METAP1D: variants seen among roughly 807,000 people sequenced by gnomAD.
METAP1D encodes methionine aminopeptidase 1D, mitochondrial.
Under a neutral mutation model 40.5 loss-of-function variants are expected in METAP1D, and 31 were observed. The observed-to-expected ratio is 0.77, with a 90% CI of 0.58 to 1.03. METAP1D has a LOEUF of 1.03. Among genes scored for constraint, METAP1D ranks in the 50% least tolerant of loss-of-function variants. METAP1D has a pLI of 0.00. For synonymous variants in METAP1D, 151 were observed against 146.4 expected, an observed-to-expected ratio of 1.03 and a Z score of -0.22; for missense variants, 411 against 420.7, an observed-to-expected ratio of 0.98 and a Z score of 0.20.
chr2:172,057,832 A>G (rs182156017), intron 1 of METAP1D, among the ~76,000 whole-genome samples: 2 of 152,216 alleles, frequency 1.3e-5, no homozygotes, highest in African/African-American at 4.8e-5. Context: ...ATGAGCTAAC[A>G]TATGTAAAGT....
In METAP1D at chr2:172,007,274, A is replaced by G. The variant is rs555067854; in HGVS notation, c.40+7265A>G. On this transcript the variant is annotated intron_variant, in intron 1 of 9. Transcript: ENST00000315796. ...AACCTCAAACTCCTGGGCTCAAGCA[A>G]TCCTCCTGCCTCAGCCTTCCAAGTA... Among the ~76,000 whole-genome samples, 7 of 151,482 alleles carry G rather than the reference A, an allele frequency of 4.6e-5. No individual in the cohort carries two copies. In the South Asian group the frequency reaches 1.5e-3, roughly 32 times the overall value.
chr2:172,024,750 G>GTGTGTGTGTGTGTGTA (rs1553491364), intron 1 of METAP1D, among the ~76,000 whole-genome samples: 63 of 52,854 alleles, frequency 1.2e-3, no homozygotes, highest in African/African-American at 2.6e-3. Flanking sequence ...CATATAGATT[G>GTGTGTGTGTGTGTGTA]TGTGTGTGTG....
chr2:172,032,007 G>A (rs1689252507), intron 1 of METAP1D, among the ~76,000 whole-genome samples: 1 of 152,176 alleles, frequency 6.6e-6, no homozygotes, highest in South Asian at 2.1e-4. Flanking sequence ...CACCAAGCAT[G>A]CCCTCGGGGA....
chr2:172,040,428 G>T (rs1689490653), intron 1 of METAP1D, among the ~76,000 whole-genome samples: 2 of 152,144 alleles, frequency 1.3e-5, no homozygotes, highest in South Asian at 4.1e-4. Context: ...TTCCAGACTA[G>T]TAGGTGGAGT....
At chr2:172,042,257 A>G (rs1047911832) in intron 1 of METAP1D, among the ~76,000 whole-genome samples, 5 of 9,540 alleles carry the variant, frequency 5.2e-4, no homozygotes, top group African/African-American at 7.3e-4. Context: ...ACATGTGTAC[A>G]CATATACATA....
At position 172,082,145 on chromosome 2, in the gene METAP1D, C is replaced by G. The variant is rs186589762; in HGVS notation, c.*1739C>G. The G allele has an allele frequency of 4.6e-5, 7 of 152,308 alleles. No homozygotes were observed. The South Asian group carries it at 6.2e-4, about 14-fold the overall frequency. 9.4% of individuals were successfully genotyped at this position (152,308 alleles called of 1,614,324 possible). On this transcript the variant is annotated 3_prime_UTR_variant, in exon 10 of 10. Coordinates refer to ENST00000315796, the MANE Select transcript of METAP1D (RefSeq NM_199227.3). The stretch of plus-strand genomic sequence containing the variant: ...GCCTGATGCTACTGCCCCCCACCCC[C>G]CCAAAGATCTGAATTCCCTAAAGAT...
chr2:172,037,889 TC>T (rs1689432727), intron 1 of METAP1D, among the ~76,000 whole-genome samples: 1 of 152,214 alleles, frequency 6.6e-6, no homozygotes, highest in African/African-American at 2.4e-5. Flanking sequence ...GAGACTTACT[TC>T]CTTTCACTTG....
At chr2:172,025,178 T>C (rs1689096626) in intron 1 of METAP1D, among the ~76,000 whole-genome samples, 1 of 152,218 alleles carries the variant, frequency 6.6e-6, no homozygotes, top group African/African-American at 2.4e-5. Flanking sequence ...CAATCAATTG[T>C]TCTAGGGCAG....
At chr2:172,029,831 T>A (rs575800727) in intron 1 of METAP1D, among the ~76,000 whole-genome samples, 1 of 151,860 alleles carries the variant, frequency 6.6e-6, no homozygotes, top group South Asian at 2.1e-4. Flanking sequence ...CTCAGCTCAC[T>A]GCAACCTCCA....
intron 1 of METAP1D, among the ~76,000 whole-genome samples, chr2:172,034,768 A>T (rs1049649051): frequency 2.0e-5 from 3 of 152,208 alleles, no homozygotes; most frequent in South Asian, 2.1e-4. Context: ...ACTTCATTTT[A>T]AAAAATTTGC....
intron 1 of METAP1D, among the ~76,000 whole-genome samples, chr2:172,016,143 A>G (rs993094367): frequency 8.9e-5 from 13 of 145,606 alleles, no homozygotes; most frequent in Non-Finnish European, 1.7e-4. Context: ...GGGCGCGGTC[A>G]CATGTGCCTG....
At chr2:172,059,264 A>G (rs1021793247) in intron 1 of METAP1D, among the ~76,000 whole-genome samples, 2 of 151,950 alleles carry the variant, frequency 1.3e-5, no homozygotes, top group East Asian at 1.9e-4. Flanking sequence ...GCGCGCCACC[A>G]TGCCCGGCTA....
chr2:172,063,560 G>C, intron 2 of METAP1D, 151 bp from the exon 3 acceptor site: 1 of 640,854 alleles, frequency 1.6e-6, no homozygotes, highest in East Asian at 2.9e-5. Flanking sequence ...AGGAACTGGG[G>C]GCAGCCTGGA....
At chr2:172,011,537 G>T (rs546046347) in intron 1 of METAP1D, among the ~76,000 whole-genome samples, 119 of 152,194 alleles carry the variant, frequency 7.8e-4, no homozygotes, top group Middle Eastern at 3.4e-3. Flanking sequence ...TCCTGCCTTG[G>T]CCTCCCAAAG....
intron 1 of METAP1D, among the ~76,000 whole-genome samples, chr2:172,037,653 A>G (rs1689426758): frequency 1.3e-5 from 2 of 152,246 alleles, no homozygotes; most frequent in African/African-American, 4.8e-5. Context: ...ATTGTAAGCT[A>G]GTAAATCATA....
chr2:172,046,104 C>T (rs1689760808), intron 1 of METAP1D, among the ~76,000 whole-genome samples: 1 of 139,428 alleles, frequency 7.2e-6, no homozygotes. Flanking sequence ...GTGTTTACTT[C>T]GATTCTGAAA....
At chr2:172,066,557 A>G (rs536911609) in intron 5 of METAP1D, among the ~76,000 whole-genome samples, 1 of 152,300 alleles carries the variant, frequency 6.6e-6, no homozygotes, top group Admixed American at 6.5e-5. Context: ...TGTCAACCCA[A>G]TCCTGCTATG....
intron 1 of METAP1D, among the ~76,000 whole-genome samples, chr2:172,016,304 T>A (rs1465575593): frequency 0.11 from 4,186 of 36,784 alleles, 101 homozygotes; most frequent in Non-Finnish European, 0.13. Flanking sequence ...AAAAAAAATA[T>A]ATATATATAT....
Position 172,068,830 on chromosome 2 carries a change from A to ATTCC in METAP1D, c.541-2053_541-2050dup, listed in dbSNP as rs557758754. 3.5e-3 allele frequency among the ~76,000 whole-genome samples: 535 copies of ATTCC among 150,932 alleles called. 3 individuals carry two copies. The highest frequency in any genetic ancestry group is 0.011 in the African/African-American group (458 of 41,258). On this transcript the variant is annotated intron_variant, in intron 5 of 9. Coordinates refer to ENST00000315796, the MANE Select transcript of METAP1D (RefSeq NM_199227.3). ...ACCAGTCTCAAATAGTCATTTTGAT[A>ATTCC]TTCCTTCCTTCCTTCCTTCCTTCCT...
Sources: allele counts gnomAD v4.1 joint callset (sites outside exome capture counted in the v4.1 genomes callset), GRCh38; gene constraint gnomAD v4.1.1; transcripts MANE v1.5; gene names NCBI Gene and HGNC (gene_info 2026-07-23, HGNC 2026-07-21).